The following TRPM1 variants were observed in gnomAD, a reference collection of about 807,000 sequenced individuals.
TRPM1 encodes the protein transient receptor potential cation channel subfamily M member 1.
Under a neutral mutation model 149.4 loss-of-function variants are expected in TRPM1, and 113 were observed. That is an observed-to-expected ratio of 0.76 (90% CI 0.65 to 0.88). The LOEUF is 0.88. Ranked by LOEUF, TRPM1 falls within the 40% of genes least tolerant of loss-of-function variation. The pLI is 0.00. For missense variants in TRPM1, 1,976 were observed against 2,038.7 expected (o/e 0.97, Z 0.59); for synonymous variants, 741 against 759.5 (o/e 0.98, Z 0.40).
chr15:31,053,274 G>A (rs374812694), intron 11 of TRPM1, among the ~76,000 whole-genome samples: 8 of 152,074 alleles, frequency 5.3e-5, no homozygotes, highest in African/African-American at 1.9e-4. Flanking sequence ...ATTTGAGATG[G>A]AGTTTTGCTC....
At chr15:31,081,560 A>G in intron 1 of TRPM1, 122 bp from the exon 2 acceptor site, 1 of 655,146 alleles carries the variant, frequency 1.5e-6, no homozygotes. Flanking sequence ...CCTCTTCACC[A>G]GGGCTCCCTG....
At chr15:31,052,269 A>G (rs1487284697) in intron 11 of TRPM1, among the ~76,000 whole-genome samples, 2 of 152,168 alleles carry the variant, frequency 1.3e-5, no homozygotes, top group African/African-American at 2.4e-5. Context: ...TGGTCAACAT[A>G]CAAATATGGA....
chr15:31,067,073 A>G lies in TRPM1; in HGVS notation c.608T>C (p.Val203Ala), dbSNP rs772506557. The G allele has an allele frequency of 8.1e-6, 13 of 1,614,030 alleles. No homozygotes were observed. The East Asian group carries it at 8.9e-5, about 11-fold the overall frequency. ...AGAGAAAACACTTACATCCTTTCCA[A>G]CCAGGTCTTCCTTATTCTCCACGAT... ...WGIVENKEDL[V>A]GKDVTRVYQT... is the part of the protein sequence containing the mutation. Residue 203 changes from valine (V) to alanine (A), a missense_variant, in exon 6 of 28, where the codon GTT (valine) becomes GCT (alanine). Val to Ala is a moderately conservative substitution (Grantham distance 64). Around this residue, in one of 3 missense-constraint regions of TRPM1, gnomAD observed 1,332 missense variants for 1,347.1 expected, o/e 0.99. Transcript: ENST00000256552.
At chr15:31,088,192 A>G (rs958115437) in intron 1 of TRPM1, among the ~76,000 whole-genome samples, 1 of 152,118 alleles carries the variant, frequency 6.6e-6, no homozygotes, top group Non-Finnish European at 1.5e-5. Context: ...AGCACGCTGT[A>G]AAAACGGACC....
intron 1 of TRPM1, among the ~76,000 whole-genome samples, chr15:31,086,099 T>C (rs1321019708): frequency 2.0e-5 from 3 of 152,142 alleles, no homozygotes; most frequent in African/African-American, 7.2e-5. Context: ...TTCACAGTGG[T>C]CATAAACAAG....
chr15:31,041,868 G>A, intron 17 of TRPM1, 83 bp downstream of exon 17: 1 of 1,462,034 alleles, frequency 6.8e-7, no homozygotes, highest in Non-Finnish European at 9.6e-7. Context: ...TAAGTGAGAA[G>A]TACATTGGCC....
chr15:31,117,263 A>C (rs574588026), intron 1 of TRPM1, among the ~76,000 whole-genome samples: 1 of 152,268 alleles, frequency 6.6e-6, no homozygotes, highest in African/African-American at 2.4e-5. Context: ...AGGTGGGTGG[A>C]TCACCTAAGG....
intron 1 of TRPM1, among the ~76,000 whole-genome samples, chr15:31,089,814 A>G (rs540922863): frequency 6.6e-6 from 1 of 152,168 alleles, no homozygotes; most frequent in African/African-American, 2.4e-5. Flanking sequence ...GGGCCCCAGA[A>G]CACCGCGGAA....
chr15:31,137,726 T>A (rs992675522), intron 1 of TRPM1, among the ~76,000 whole-genome samples: 2 of 152,204 alleles, frequency 1.3e-5, no homozygotes, highest in African/African-American at 4.8e-5. Context: ...GCCTAAATAT[T>A]CACAATCTAT....
chr15:31,128,249 G>A (rs1423257536), intron 1 of TRPM1, among the ~76,000 whole-genome samples: 2 of 152,170 alleles, frequency 1.3e-5, no homozygotes, highest in Non-Finnish European at 2.9e-5. Context: ...ATCAATCAAT[G>A]TTCAATAGTT....
chr15:31,002,781 C>T lies in TRPM1; in HGVS notation c.3919G>A (p.Glu1307Lys), dbSNP rs200906550. ...GGTGACGTGGAGAGAGATGTATCCT[C>T]AAATAATAACTCTTCTCCGTTAAAA... ...YHFNGEELLF[E>K]DTSLSTSPGT... Residue 1307 changes from glutamate (E) to lysine (K), a missense_variant, in exon 28 of 28, where the codon GAG (glutamate) becomes AAG (lysine). Physicochemically the swap from Glu to Lys is moderately conservative, Grantham distance 56. Coordinates refer to ENST00000256552, the MANE Select transcript of TRPM1 (RefSeq NM_001252024.2). 3.0e-4 allele frequency: 483 copies of T among 1,614,086 alleles called. No homozygotes were observed. The highest frequency in any genetic ancestry group is 3.6e-4 in the Non-Finnish European group (423 of 1,180,046).
intron 1 of TRPM1, among the ~76,000 whole-genome samples, chr15:31,136,515 T>C (rs2036089891): frequency 6.6e-6 from 1 of 152,218 alleles, no homozygotes; most frequent in African/African-American, 2.4e-5. Flanking sequence ...TCATCACAGA[T>C]TGGGTTAGGC....
chr15:31,001,861 CTTT>C lies in TRPM1; in HGVS notation c.4836_4838del (p.Lys1613del), dbSNP rs748716036. 3 of 1,613,416 alleles carry C rather than the reference CTTT, an allele frequency of 1.9e-6. No individual in the cohort carries two copies. The South Asian group carries it at 3.3e-5, about 18-fold the overall frequency. Reference sequence around the variant, plus strand: ...CTGTGGAAGCTTTCTCTTTCTTAACCTTTTTTTCTTCTGCTGTCATTCCAGACA... The same window carrying C: ...CTGTGGAAGCTTTCTCTTTCTTAACCTTTTCTTCTGCTGTCATTCCAGACA... On this transcript the variant is annotated inframe_deletion, in exon 28 of 28. Coordinates refer to ENST00000256552, the MANE Select transcript of TRPM1 (RefSeq NM_001252024.2).
chr15:31,088,810 T>TGGGGGGG (rs2035103546), intron 1 of TRPM1, among the ~76,000 whole-genome samples: 1 of 127,632 alleles, frequency 7.8e-6, no homozygotes, highest in African/African-American at 3.0e-5. Flanking sequence ...GCTGGGGGGA[T>TGGGGGGG]GCGTCAGAGG....
In TRPM1 at chr15:31,047,100, C is replaced by G. The variant is rs376882401; in HGVS notation, c.1764+11G>C. The G allele has an allele frequency of 1.2e-6, 2 of 1,614,234 alleles. No homozygotes were observed. Among genetic ancestry groups the G allele is most frequent in the Non-Finnish European group, 1.7e-6 (2 of 1,180,052 alleles). On this transcript the variant is annotated intron_variant, in intron 15 of 27. Coordinates refer to ENST00000256552, the MANE Select transcript of TRPM1 (RefSeq NM_001252024.2). ...CGAACCACAGAACACTACACAGGCA[C>G]TGAGTTCTACCCTCTTTGGTCCAAA... is the stretch of plus-strand genomic sequence containing the variant.
At chr15:31,015,015 T>C (rs1388929903) in intron 27 of TRPM1, among the ~76,000 whole-genome samples, 1 of 151,762 alleles carries the variant, frequency 6.6e-6, no homozygotes, top group Non-Finnish European at 1.5e-5. Flanking sequence ...GGTGGGGCTA[T>C]GGGACAATAG....
At chr15:31,111,902 CA>C (rs368217942) in intron 1 of TRPM1, among the ~76,000 whole-genome samples, 4 of 151,964 alleles carry the variant, frequency 2.6e-5, no homozygotes, top group African/African-American at 9.7e-5. Flanking sequence ...CCCACCCCCC[CA>C]AAAAAATTTG....
chr15:31,131,010 G>A lies in TRPM1; in HGVS notation c.54+29896C>T, dbSNP rs562375773. On this transcript the variant is annotated intron_variant, in intron 1 of 26. Transcript: ENST00000542188. ...TGGGCAACGGTTACAAACAGGCACAGAAAAAAGATGTGCAAATCAGTAGTC... is the reference window on the plus strand; with the variant it reads ...TGGGCAACGGTTACAAACAGGCACAAAAAAAAGATGTGCAAATCAGTAGTC... Among the ~76,000 whole-genome samples, 3 of 152,278 alleles carry A rather than the reference G, an allele frequency of 2.0e-5. No homozygotes were observed. The East Asian group carries it at 5.8e-4, about 29-fold the overall frequency.
chr15:31,082,189 C>T (rs1255508293), intron 1 of TRPM1, among the ~76,000 whole-genome samples: 4 of 152,180 alleles, frequency 2.6e-5, no homozygotes, highest in Non-Finnish European at 5.9e-5. Context: ...CTCCCCACCC[C>T]CATTAGGTGA....
Sources: allele counts gnomAD v4.1 joint callset (sites outside exome capture counted in the v4.1 genomes callset), GRCh38; gene constraint gnomAD v4.1.1; regional missense constraint gnomAD v4.1.1; transcripts MANE v1.5; gene names NCBI Gene and HGNC (gene_info 2026-07-23, HGNC 2026-07-21).